The following LYPLAL1 variants were observed in gnomAD, a reference collection of about 807,000 sequenced individuals.
LYPLAL1 encodes the protein lysophospholipase like 1, also known as lysophospholipase-like protein 1.
Under a neutral mutation model 19.7 loss-of-function variants are expected in LYPLAL1, and 23 were observed. That is an observed-to-expected ratio of 1.17 (90% CI 0.84 to 1.65). The LOEUF is 1.65. LYPLAL1 is among the 40% of genes most tolerant of loss of function. The pLI, the probability that LYPLAL1 is intolerant of heterozygous loss-of-function variation, is 0.00. For missense variants in LYPLAL1, 355 were observed against 279.4 expected (o/e 1.27, Z -1.93); for synonymous variants, 119 against 96.3 (o/e 1.24, Z -1.38).
chr1:219,307,821 C>T, the LYPLAL1 span, among the ~76,000 whole-genome samples: 5 of 152,162 alleles, frequency 3.3e-5, no homozygotes, highest in Non-Finnish European at 5.9e-5. Flanking sequence ...TTTGCTTCCT[C>T]CTTATTTTTT....
chr1:219,244,494 G>A, the LYPLAL1 span, among the ~76,000 whole-genome samples: 3 of 152,140 alleles, frequency 2.0e-5, no homozygotes, highest in Non-Finnish European at 4.4e-5. Context: ...GACAGGTGTC[G>A]GAAGCATCAT....
chr1:219,247,186 C>A, the LYPLAL1 span, among the ~76,000 whole-genome samples: 2 of 152,158 alleles, frequency 1.3e-5, no homozygotes, highest in Admixed American at 1.3e-4. Context: ...ATCAAATTTT[C>A]ATGATAATGT....
At chr1:219,228,384 GAAAA>G in the LYPLAL1 span, among the ~76,000 whole-genome samples, 891 of 150,690 alleles carry the variant, frequency 5.9e-3, 1 homozygote, top group South Asian at 0.018. Context: ...CTAAAAGAAA[GAAAA>G]AAAAAGTTGG....
At chr1:219,376,230 GA>G in the LYPLAL1 span, among the ~76,000 whole-genome samples, 1 of 141,182 alleles carries the variant, frequency 7.1e-6, no homozygotes, top group Admixed American at 7.4e-5. Context: ...ACTTAATGGG[GA>G]AAAAAATGGC....
At chr1:219,332,081 GTGA>G in the LYPLAL1 span, among the ~76,000 whole-genome samples, 3 of 152,174 alleles carry the variant, frequency 2.0e-5, no homozygotes, top group Non-Finnish European at 4.4e-5. Flanking sequence ...TGAAGCAGAA[GTGA>G]TGTTGTGTCA....
At chr1:219,243,534 A>T in the LYPLAL1 span, among the ~76,000 whole-genome samples, 1 of 152,180 alleles carries the variant, frequency 6.6e-6, no homozygotes, top group Non-Finnish European at 1.5e-5. Context: ...TTAGGCAAGC[A>T]TGATGGAGAA....
At chr1:219,248,604 A>G in the LYPLAL1 span, among the ~76,000 whole-genome samples, 1 of 152,112 alleles carries the variant, frequency 6.6e-6, no homozygotes, top group Admixed American at 6.6e-5. Context: ...TTATGGCACT[A>G]ATAACTTCAG....
At chr1:219,353,153 G>A in the LYPLAL1 span, among the ~76,000 whole-genome samples, 8 of 152,188 alleles carry the variant, frequency 5.3e-5, no homozygotes, top group Non-Finnish European at 8.8e-5. Flanking sequence ...TTTGCCTGGA[G>A]GCATTTACTA....
the LYPLAL1 span, among the ~76,000 whole-genome samples, chr1:219,374,984 C>T: frequency 6.6e-6 from 1 of 152,172 alleles, no homozygotes; most frequent in Non-Finnish European, 1.5e-5. Context: ...ACAATTAAAC[C>T]TCTTTCTTTG....
At chr1:219,206,289 A>G (rs2125105672) in intron 3 of LYPLAL1, among the ~76,000 whole-genome samples, 1 of 152,218 alleles carries the variant, frequency 6.6e-6, no homozygotes, top group East Asian at 1.9e-4. Context: ...CATTTTAAAT[A>G]CTTTGCCAGC....
At chr1:219,444,047 C>G in the LYPLAL1 span, among the ~76,000 whole-genome samples, 1 of 152,150 alleles carries the variant, frequency 6.6e-6, no homozygotes, top group Non-Finnish European at 1.5e-5. Context: ...TCCACACACA[C>G]AATGACTTCA....
chr1:219,382,452 C>T, the LYPLAL1 span, among the ~76,000 whole-genome samples: 2 of 152,164 alleles, frequency 1.3e-5, no homozygotes, highest in Non-Finnish European at 2.9e-5. Context: ...CTCCACCTCC[C>T]GGGGTCACGT....
At chr1:219,416,790 T>C in the LYPLAL1 span, among the ~76,000 whole-genome samples, 1 of 152,136 alleles carries the variant, frequency 6.6e-6, no homozygotes, top group Non-Finnish European at 1.5e-5. Flanking sequence ...TAAGGGCAAT[T>C]ATGGATCCCT....
the LYPLAL1 span, among the ~76,000 whole-genome samples, chr1:219,422,156 G>A: frequency 5.3e-5 from 8 of 152,190 alleles, no homozygotes; most frequent in African/African-American, 1.7e-4. Context: ...GATGTTTTCT[G>A]TAAAAGGGCA....
the LYPLAL1 span, among the ~76,000 whole-genome samples, chr1:219,330,927 C>A: frequency 2.6e-5 from 4 of 152,160 alleles, no homozygotes; most frequent in African/African-American, 9.7e-5. Context: ...CTGTTTCTAC[C>A]TCTTGGCTTT....
At chr1:219,408,686 T>G in the LYPLAL1 span, among the ~76,000 whole-genome samples, 1 of 151,800 alleles carries the variant, frequency 6.6e-6, no homozygotes, top group Non-Finnish European at 1.5e-5. Context: ...AAGGAGAAGA[T>G]TGAGCTTGAG....
intron 3 of LYPLAL1, among the ~76,000 whole-genome samples, chr1:219,193,942 A>T (rs902732972): frequency 2.6e-5 from 4 of 151,970 alleles, no homozygotes; most frequent in Non-Finnish European, 2.9e-5. Context: ...TGATGAAATT[A>T]AAAAGCAAAT....
At chr1:219,226,280 A>G in the LYPLAL1 span, among the ~76,000 whole-genome samples, 2 of 152,002 alleles carry the variant, frequency 1.3e-5, no homozygotes, top group East Asian at 3.9e-4. Flanking sequence ...GTTTATTTGG[A>G]TGTTCTTTTA....
the LYPLAL1 span, among the ~76,000 whole-genome samples, chr1:219,428,146 C>T: frequency 1.3e-5 from 2 of 152,204 alleles, no homozygotes; most frequent in East Asian, 1.9e-4. Flanking sequence ...ATGATGGCAA[C>T]AATGCTGGAC....
Sources: allele counts gnomAD v4.1 joint callset (sites outside exome capture counted in the v4.1 genomes callset), GRCh38; gene constraint gnomAD v4.1.1; transcripts MANE v1.5; gene names NCBI Gene and HGNC (gene_info 2026-07-23, HGNC 2026-07-21).